The following FUT8 variants were observed in gnomAD, a reference collection of about 807,000 sequenced individuals.
FUT8 encodes fucosyltransferase 8, also known as alpha-(1,6)-fucosyltransferase.
A neutral mutation model predicts 71.3 loss-of-function variants in FUT8; 29 were observed. The observed-to-expected ratio is 0.41, with a 90% CI of 0.30 to 0.55. The LOEUF (loss-of-function observed/expected upper bound fraction) is 0.55, where lower values mean the gene tolerates loss of function less well. Ranked by LOEUF, FUT8 falls within the 20% of genes least tolerant of loss-of-function variation. The pLI is 0.34. For missense variants in FUT8, 544 were observed against 702.1 expected (o/e 0.77, Z 2.55); for synonymous variants, 254 against 239.3 (o/e 1.06, Z -0.57).
rs1891467703 is a variant in FUT8, at chr14:65,652,693, A to G, written c.598-16550A>G. On this transcript the variant is annotated intron_variant, in intron 6 of 10. Coordinates refer to ENST00000673929, the MANE Select transcript of FUT8 (RefSeq NM_001371533.1). The surrounding 1 kb of genome is among the most constrained non-coding windows in gnomAD (Gnocchi z 4.0). ...AGCAGTCTTAACTGATGCACAAGCC[A>G]GGTGCCTGACACAATGGGGGTCAAT... Among the ~76,000 whole-genome samples the G allele has an allele frequency of 6.6e-6, 1 of 152,070 alleles. No individual in the cohort carries two copies. The highest frequency in any genetic ancestry group is 2.4e-5 in the African/African-American group (1 of 41,386).
intron 7 of FUT8, among the ~76,000 whole-genome samples, chr14:65,694,274 TCTTC>T (rs148887768): frequency 0.026 from 3,909 of 152,296 alleles, 159 homozygotes; most frequent in African/African-American, 0.089. Flanking sequence ...TTTAGCTTTT[TCTTC>T]CTTTTCATTA....
intron 2 of FUT8, among the ~76,000 whole-genome samples, chr14:65,514,779 A>T (rs1337996783): frequency 6.6e-6 from 1 of 152,226 alleles, no homozygotes; most frequent in East Asian, 1.9e-4. Flanking sequence ...ATATGTATAC[A>T]TGTGCCAAGC....
chr14:65,692,288 C>T (rs1187486003), intron 7 of FUT8, among the ~76,000 whole-genome samples: 7 of 151,186 alleles, frequency 4.6e-5, no homozygotes, highest in Non-Finnish European at 7.4e-5. Flanking sequence ...GGGCTCCTCA[C>T]TTCCCAGTAG....
At chr14:65,700,621 G>A (rs544354190) in intron 7 of FUT8, among the ~76,000 whole-genome samples, 162 of 151,856 alleles carry the variant, frequency 1.1e-3, no homozygotes, top group Non-Finnish European at 1.8e-3. Context: ...GGATGGTCTC[G>A]ATCTCCTGAC....
chr14:65,419,387 G>A (rs2065261579), intron 1 of FUT8, among the ~76,000 whole-genome samples: 1 of 152,116 alleles, frequency 6.6e-6, no homozygotes, highest in Non-Finnish European at 1.5e-5. Context: ...ATGAAGCACA[G>A]TGTTCTCCAC....
chr14:65,497,714 A>G (rs879295370), intron 2 of FUT8, among the ~76,000 whole-genome samples: 1 of 152,030 alleles, frequency 6.6e-6, no homozygotes, highest in Non-Finnish European at 1.5e-5. Flanking sequence ...TAAAATTTAT[A>G]AAATACAATT....
intron 2 of FUT8, among the ~76,000 whole-genome samples, chr14:65,479,447 C>G (rs112566963): frequency 1.2e-4 from 19 of 152,152 alleles, no homozygotes; most frequent in Non-Finnish European, 2.1e-4. Flanking sequence ...TAGTATTTCT[C>G]AGTTGGTGGA....
chr14:65,578,504 T>C (rs559734471), intron 3 of FUT8, among the ~76,000 whole-genome samples: 29 of 152,326 alleles, frequency 1.9e-4, no homozygotes, highest in African/African-American at 6.0e-4. Context: ...CAGCTTTGAA[T>C]GCAGCCCAAC....
At chr14:65,658,967 A>C (rs544460660) in intron 6 of FUT8, among the ~76,000 whole-genome samples, 57 of 152,240 alleles carry the variant, frequency 3.7e-4, no homozygotes, top group African/African-American at 1.2e-3. Context: ...TTGTTAAGTA[A>C]TATGTTCTCC....
At chr14:65,425,043 C>T (rs1048218758) in intron 1 of FUT8, among the ~76,000 whole-genome samples, 1 of 152,088 alleles carries the variant, frequency 6.6e-6, no homozygotes, top group Non-Finnish European at 1.5e-5. Context: ...AATTTATCAA[C>T]ATATTTATTG....
the FUT8 span, among the ~76,000 whole-genome samples, chr14:65,394,750 C>T: frequency 7.5e-5 from 10 of 132,554 alleles, no homozygotes; most frequent in South Asian, 2.4e-4. Flanking sequence ...GCAGTCAAAT[C>T]TTTTTTTTTT....
intron 1 of FUT8, among the ~76,000 whole-genome samples, chr14:65,440,840 T>C (rs1219645796): frequency 6.6e-6 from 1 of 152,140 alleles, no homozygotes; most frequent in African/African-American, 2.4e-5. Context: ...ACACCAAGAA[T>C]TAGGGAAAAG....
chr14:65,592,333 A>AT lies in FUT8; in HGVS notation c.204-23637dup, dbSNP rs995382865. On this transcript the variant is annotated intron_variant, in intron 3 of 10. Coordinates refer to ENST00000673929, the MANE Select transcript of FUT8 (RefSeq NM_001371533.1). The stretch of plus-strand genomic sequence containing the variant: ...GTGGGGGAGAACTGACCTATTATCT[A>AT]TTTTTTTTCCTTCATTCAAGCATAA... Among the ~76,000 whole-genome samples, 38 of 151,670 alleles carry AT rather than the reference A, an allele frequency of 2.5e-4. 1 individual carries two copies. The highest frequency in any genetic ancestry group is 6.4e-3 in the Middle Eastern group (2 of 314).
chr14:65,379,977 C>T, the FUT8 span, among the ~76,000 whole-genome samples: 1 of 152,190 alleles, frequency 6.6e-6, no homozygotes, highest in African/African-American at 2.4e-5. Flanking sequence ...GCTCTGCCCT[C>T]GTGACTGAAT....
At chr14:65,524,301 T>G (rs971158190) in intron 2 of FUT8, among the ~76,000 whole-genome samples, 2 of 152,284 alleles carry the variant, frequency 1.3e-5, no homozygotes, top group East Asian at 3.9e-4. Flanking sequence ...CCCTTGTAAG[T>G]TGGATTCCTA....
intron 10 of FUT8, among the ~76,000 whole-genome samples, chr14:65,741,650 A>G (rs527434816): frequency 1.3e-5 from 2 of 152,156 alleles, no homozygotes; most frequent in African/African-American, 4.8e-5. Flanking sequence ...TATGAAGGAA[A>G]GGGACCATCA....
At chr14:65,729,526 CTTTTTT>C (rs67348217) in intron 9 of FUT8, among the ~76,000 whole-genome samples, 5 of 142,162 alleles carry the variant, frequency 3.5e-5, no homozygotes, top group Non-Finnish European at 6.1e-5. Context: ...AGGATATAAA[CTTTTTT>C]TTTTTTTTTT....
intron 2 of FUT8, among the ~76,000 whole-genome samples, chr14:65,473,206 G>A (rs1244815792): frequency 1.3e-5 from 2 of 152,106 alleles, no homozygotes; most frequent in African/African-American, 2.4e-5. Context: ...CATTGAGTGA[G>A]GTACTGTTAG....
chr14:65,616,311 A>G lies in FUT8; in HGVS notation c.420A>G (p.Leu140=), dbSNP rs1889284306. 6.2e-7 allele frequency: 1 copy of G among 1,612,674 alleles called. No homozygotes were observed. Among genetic ancestry groups the G allele is most frequent in the African/African-American group, 1.3e-5 (1 of 74,868 alleles). ...LQSELKKLKN[L]EGNELQRHAD... ...GTGAATTGAAGAAATTAAAGAACTT[A>G]GAAGGAAATGAACTCCAAAGACATG... is the stretch of plus-strand genomic sequence containing the variant. The change falls in exon 5 of 11, where the codon TTA becomes TTG. Residue 140 remains leucine, a synonymous_variant. Transcript: ENST00000673929.
Sources: allele counts gnomAD v4.1 joint callset (sites outside exome capture counted in the v4.1 genomes callset), GRCh38; gene constraint gnomAD v4.1.1; non-coding constraint Gnocchi (gnomAD v3.1); transcripts MANE v1.5; gene names NCBI Gene and HGNC (gene_info 2026-07-23, HGNC 2026-07-21).